The following SEMA3D variants were observed in gnomAD, a reference collection of about 807,000 sequenced individuals.
SEMA3D encodes semaphorin-3D.
In SEMA3D, 84 loss-of-function variants were observed where a neutral mutation model predicts 100.1. That is an observed-to-expected ratio of 0.84 (90% CI 0.70 to 1.01). The LOEUF is 1.01. SEMA3D is among the 50% of genes least tolerant of loss of function. SEMA3D has a pLI of 0.00. For missense variants in SEMA3D, 875 were observed against 934.1 expected, an observed-to-expected ratio of 0.94 and a Z score of 0.82; for synonymous variants, 312 against 320.7, an observed-to-expected ratio of 0.97 and a Z score of 0.29.
At chr7:85,031,698 AT>A (rs1222646061) in intron 12 of SEMA3D, among the ~76,000 whole-genome samples, 4 of 151,972 alleles carry the variant, frequency 2.6e-5, no homozygotes, top group African/African-American at 9.7e-5. Context: ...TATCTATAAA[AT>A]TGGGATAATA....
At chr7:85,002,132 C>T (rs576753492) in intron 18 of SEMA3D, among the ~76,000 whole-genome samples, 8 of 152,092 alleles carry the variant, frequency 5.3e-5, no homozygotes, top group Admixed American at 1.3e-4. Flanking sequence ...GGTTCCCTTC[C>T]ATCCTTTCCC....
chr7:85,055,680 A>T, intron 9 of SEMA3D, 37 bp downstream of exon 9: 5 of 281,482 alleles, frequency 1.8e-5, no homozygotes, highest in South Asian at 7.1e-5. Context: ...ATATATATAT[A>T]TATATGTTTT....
chr7:85,192,809 G>A, the SEMA3D span, among the ~76,000 whole-genome samples: 3 of 151,842 alleles, frequency 2.0e-5, no homozygotes, highest in East Asian at 5.8e-4. Flanking sequence ...TTTTCTATTT[G>A]CCACTTCAAT....
In SEMA3D at chr7:85,113,322, G is replaced by T. The variant is rs80344144; in HGVS notation, c.151+8419C>A. ...GGTAGTCATAAATATGCGAGAATTCGCCACATGAACTGAAGGGAAATTTCT... is the reference window on the plus strand; with the variant it reads ...GGTAGTCATAAATATGCGAGAATTCTCCACATGAACTGAAGGGAAATTTCT... On this transcript the variant is annotated intron_variant, in intron 3 of 18. Coordinates refer to ENST00000284136, the MANE Select transcript of SEMA3D (RefSeq NM_001384900.1). Among the ~76,000 whole-genome samples, 654 of 152,072 alleles carry T rather than the reference G, an allele frequency of 4.3e-3. 5 individuals are homozygous for T. The highest frequency in any genetic ancestry group is 0.015 in the African/African-American group (640 of 41,466).
chr7:85,137,292 A>G (rs993748003), intron 2 of SEMA3D, among the ~76,000 whole-genome samples: 4 of 151,938 alleles, frequency 2.6e-5, no homozygotes, highest in African/African-American at 7.2e-5. Context: ...TATATATATG[A>G]CATAGATATG....
the SEMA3D span, among the ~76,000 whole-genome samples, chr7:85,229,681 A>T: frequency 6.6e-6 from 1 of 152,120 alleles, no homozygotes; most frequent in African/African-American, 2.4e-5. Flanking sequence ...ACTGGAAATG[A>T]TTAGATACAA....
chr7:85,029,302 G>A, intron 12 of SEMA3D: 1 of 1,077,778 alleles, frequency 9.3e-7, no homozygotes, highest in East Asian at 2.4e-5. Context: ...GGAAGACATT[G>A]AGCCTATGGT....
chr7:85,042,846 G>C (rs371527465), intron 9 of SEMA3D, among the ~76,000 whole-genome samples: 1 of 151,986 alleles, frequency 6.6e-6, no homozygotes, highest in African/African-American at 2.4e-5. Context: ...GCTGAAATAT[G>C]GTTGGTTTGA....
chr7:85,205,983 A>T, the SEMA3D span, among the ~76,000 whole-genome samples: 1 of 152,058 alleles, frequency 6.6e-6, no homozygotes, highest in African/African-American at 2.4e-5. Flanking sequence ...TCCTGCTGTG[A>T]CATTCTGACC....
intron 1 of SEMA3D, among the ~76,000 whole-genome samples, chr7:85,184,278 G>A (rs1445403762): frequency 6.6e-6 from 1 of 152,062 alleles, no homozygotes; most frequent in Non-Finnish European, 1.5e-5. Context: ...CCACACCCAG[G>A]TAAAACAGTT....
Position 85,144,104 on chromosome 7 carries a change from T to C in SEMA3D, c.-41+9504A>G, listed in dbSNP as rs533625206. Among the ~76,000 whole-genome samples the C allele has an allele frequency of 3.3e-5, 5 of 152,266 alleles. No individual in the cohort carries two copies. In the East Asian group the frequency reaches 9.7e-4, roughly 29 times the overall value. Reference sequence around the variant, plus strand: ...CTTATATATTTAATCCAATATATAATCATTTTAACATGTATACAATATAAA... The same window carrying C: ...CTTATATATTTAATCCAATATATAACCATTTTAACATGTATACAATATAAA... On this transcript the variant is annotated intron_variant, in intron 2 of 18. Coordinates refer to ENST00000284136, the MANE Select transcript of SEMA3D (RefSeq NM_001384900.1).
the SEMA3D span, among the ~76,000 whole-genome samples, chr7:85,203,289 A>T: frequency 1.3e-5 from 2 of 152,188 alleles, no homozygotes; most frequent in East Asian, 3.8e-4. Context: ...TTCTTACAAC[A>T]TGTTATATGC....
intron 2 of SEMA3D, among the ~76,000 whole-genome samples, chr7:85,138,612 A>G (rs1377265892): frequency 1.4e-5 from 2 of 145,900 alleles, no homozygotes; most frequent in Non-Finnish European, 3.0e-5. Flanking sequence ...CTTTTATAAT[A>G]TATAATTTAT....
intron 11 of SEMA3D, among the ~76,000 whole-genome samples, chr7:85,037,380 G>A (rs1375434464): frequency 6.6e-6 from 1 of 152,000 alleles, no homozygotes; most frequent in African/African-American, 2.4e-5. Flanking sequence ...GGATAAAGAG[G>A]AATATGCATG....
intron 18 of SEMA3D, among the ~76,000 whole-genome samples, chr7:85,001,562 A>C (rs895261702): frequency 1.1e-4 from 17 of 152,212 alleles, no homozygotes; most frequent in African/African-American, 3.6e-4. Flanking sequence ...ATTTCATTGT[A>C]ATTTTTTAAA....
chr7:85,037,146 T>C lies in SEMA3D; in HGVS notation c.1047-113A>G, dbSNP rs554954021. On this transcript the variant is annotated intron_variant, in intron 11 of 18. Transcript: ENST00000284136. Reference sequence around the variant, plus strand: ...ACAAAATTTACTTAGCACATTAAATTTGATGGGTACTGTAGACACAATGTG... The same window carrying C: ...ACAAAATTTACTTAGCACATTAAATCTGATGGGTACTGTAGACACAATGTG... 1.5e-4 allele frequency: 144 copies of C among 966,036 alleles called. No individual in the cohort carries two copies. In the African/African-American group the frequency reaches 2.1e-3, roughly 14 times the overall value. 59.8% of individuals were successfully genotyped at this position (966,036 alleles called of 1,614,324 possible). A position where few individuals can be genotyped will look rare whatever the true frequency, so the allele number is the denominator to read the frequency against.
At chr7:85,082,797 C>T (rs1391415703) in intron 4 of SEMA3D, among the ~76,000 whole-genome samples, 3 of 152,240 alleles carry the variant, frequency 2.0e-5, no homozygotes, top group East Asian at 3.9e-4. Flanking sequence ...AGATTTTAAA[C>T]CGGAGCAAGA....
At position 84,996,607 on chromosome 7, in the gene SEMA3D, A is replaced by G. The variant is rs988680776; in HGVS notation, c.*2833T>C. ...TCTAAATAAAATCTCAAAATTTACA[A>G]TAAGTTGAATGTAAATGAATGCAGA... is the stretch of plus-strand genomic sequence containing the variant. On this transcript the variant is annotated 3_prime_UTR_variant, in exon 19 of 19. Transcript: ENST00000284136. 7 of 152,448 alleles carry G rather than the reference A, an allele frequency of 4.6e-5. No homozygotes were observed. Among genetic ancestry groups the G allele is most frequent in the African/African-American group, 1.4e-4 (6 of 41,452 alleles). The allele number at this position is 152,448 out of a possible 1,614,324, so 9.4% of individuals were successfully genotyped here. A position where few individuals can be genotyped will look rare whatever the true frequency, so the allele number is the denominator to read the frequency against.
the SEMA3D span, among the ~76,000 whole-genome samples, chr7:85,242,946 G>A: frequency 1.3e-5 from 2 of 152,072 alleles, no homozygotes; most frequent in South Asian, 4.1e-4. Flanking sequence ...GTGGTATAAG[G>A]CTTTAGTAAT....
Sources: allele counts gnomAD v4.1 joint callset (sites outside exome capture counted in the v4.1 genomes callset), GRCh38; gene constraint gnomAD v4.1.1; transcripts MANE v1.5; gene names NCBI Gene and HGNC (gene_info 2026-07-23, HGNC 2026-07-21).